ARHGEF28: variants seen among roughly 807,000 people sequenced by gnomAD.
ARHGEF28 encodes Rho guanine nucleotide exchange factor 28.
In ARHGEF28, 152 loss-of-function variants were observed where a neutral mutation model predicts 206.6. The observed-to-expected ratio is 0.74, with a 90% CI of 0.64 to 0.84. The LOEUF (loss-of-function observed/expected upper bound fraction) is 0.84, where lower values mean the gene tolerates loss of function less well. ARHGEF28 is among the 40% of genes least tolerant of loss of function. ARHGEF28 has a pLI of 0.00. For missense variants in ARHGEF28, 2,028 were observed against 2,073.2 expected, an observed-to-expected ratio of 0.98 and a Z score of 0.42; for synonymous variants, 763 against 776.4, an observed-to-expected ratio of 0.98 and a Z score of 0.29.
chr5:73,773,281 G>A (rs939116870), intron 4 of ARHGEF28, among the ~76,000 whole-genome samples: 3 of 152,186 alleles, frequency 2.0e-5, no homozygotes, highest in East Asian at 1.9e-4. Flanking sequence ...GCAACGGGGT[G>A]GCTTTGGCAA....
intron 1 of ARHGEF28, among the ~76,000 whole-genome samples, chr5:73,637,368 AT>A (rs1337282606): frequency 6.6e-6 from 1 of 151,946 alleles, no homozygotes; most frequent in Non-Finnish European, 1.5e-5. Context: ...TAGTCTCACA[AT>A]TTTTTTCCTC....
At chr5:73,720,860 A>G (rs1019417003) in intron 2 of ARHGEF28, among the ~76,000 whole-genome samples, 26 of 152,308 alleles carry the variant, frequency 1.7e-4, no homozygotes, top group African/African-American at 5.5e-4. Context: ...AGAAACATAT[A>G]CTTAGTGATT....
chr5:73,904,759 C>T (rs1762457446), intron 33 of ARHGEF28: 2 of 251,350 alleles, frequency 8.0e-6, no homozygotes, highest in East Asian at 8.9e-5. Context: ...TTTGACTTCT[C>T]CATGTGGCCA....
At chr5:73,919,947 C>A (rs867456697) in intron 35 of ARHGEF28, among the ~76,000 whole-genome samples, 1 of 152,226 alleles carries the variant, frequency 6.6e-6, no homozygotes, top group South Asian at 2.1e-4. Flanking sequence ...ACATATTTCT[C>A]TCTTGTTAAC....
chr5:73,812,172 C>G (rs1311225901), intron 9 of ARHGEF28, among the ~76,000 whole-genome samples: 2 of 152,044 alleles, frequency 1.3e-5, no homozygotes, highest in African/African-American at 4.8e-5. Context: ...GTGGTCTCTC[C>G]CCTTTCTCCT....
intron 2 of ARHGEF28, among the ~76,000 whole-genome samples, chr5:73,707,396 G>C (rs1192876330): frequency 6.6e-6 from 1 of 152,224 alleles, no homozygotes; most frequent in Non-Finnish European, 1.5e-5. Flanking sequence ...CCAAAGCTTA[G>C]TGGGGATTCA....
At chr5:73,848,291 G>A (rs2112592221) in intron 12 of ARHGEF28, among the ~76,000 whole-genome samples, 1 of 152,072 alleles carries the variant, frequency 6.6e-6, no homozygotes, top group South Asian at 2.1e-4. Flanking sequence ...TATAATAATA[G>A]GAATAATAAG....
At chr5:73,893,802 T>G (rs540383916) in intron 28 of ARHGEF28, among the ~76,000 whole-genome samples, 1 of 152,244 alleles carries the variant, frequency 6.6e-6, no homozygotes, top group South Asian at 2.1e-4. Context: ...GATGTAGACT[T>G]TGGGGTTTTC....
intron 11 of ARHGEF28, among the ~76,000 whole-genome samples, chr5:73,845,166 T>C (rs1304001421): frequency 2.0e-5 from 3 of 151,926 alleles, no homozygotes; most frequent in Non-Finnish European, 4.4e-5. Flanking sequence ...TACAGGTGCC[T>C]GCCACAACAG....
In ARHGEF28 at chr5:73,853,746, T is replaced by C. The variant is rs538337693; in HGVS notation, c.1790+1054T>C. On this transcript the variant is annotated intron_variant, in intron 14 of 35. Transcript: ENST00000513042. ...TGTTTTAAGCAGTTTACATTTATTA[T>C]CTCATTTAAGCAATTTACTTCCTCA... Among the ~76,000 whole-genome samples, 6 of 152,332 alleles carry C rather than the reference T, an allele frequency of 3.9e-5. No homozygotes were observed. The South Asian group carries it at 1.2e-3, about 32-fold the overall frequency.
chr5:73,915,271 T>C (rs1763148280), intron 35 of ARHGEF28, among the ~76,000 whole-genome samples: 1 of 152,188 alleles, frequency 6.6e-6, no homozygotes, highest in African/African-American at 2.4e-5. Flanking sequence ...TAAATACTCT[T>C]TAGCTTTACT....
intron 1 of ARHGEF28, among the ~76,000 whole-genome samples, chr5:73,640,117 G>A (rs1032656792): frequency 6.6e-6 from 1 of 152,196 alleles, no homozygotes; most frequent in African/African-American, 2.4e-5. Context: ...AGGATGGTAA[G>A]CTAGGCCTGG....
intron 9 of ARHGEF28, among the ~76,000 whole-genome samples, chr5:73,812,107 TA>T (rs147410772): frequency 0.03 from 4,620 of 152,238 alleles, 230 homozygotes; most frequent in African/African-American, 0.11. Flanking sequence ...ACAAACTATA[TA>T]AAAACACAGT....
intron 9 of ARHGEF28, among the ~76,000 whole-genome samples, chr5:73,810,619 TA>T (rs1452507803): frequency 1.3e-5 from 2 of 152,196 alleles, no homozygotes; most frequent in Admixed American, 6.5e-5. Context: ...TTGCTTGGCA[TA>T]GGGGTGGTGC....
At chr5:73,938,708 T>C (rs1480726098) in intron 35 of ARHGEF28, among the ~76,000 whole-genome samples, 1 of 152,162 alleles carries the variant, frequency 6.6e-6, no homozygotes, top group Non-Finnish European at 1.5e-5. Flanking sequence ...CTTCAGTCTA[T>C]GGCTGGGAAA....
chr5:73,752,226 A>G (rs779531727), intron 3 of ARHGEF28, among the ~76,000 whole-genome samples: 5 of 152,156 alleles, frequency 3.3e-5, no homozygotes, highest in Non-Finnish European at 5.9e-5. Flanking sequence ...GCAAAATAAG[A>G]GAGTGGGGCA....
intron 9 of ARHGEF28, among the ~76,000 whole-genome samples, chr5:73,823,262 A>G (rs978550251): frequency 5.9e-5 from 9 of 152,218 alleles, no homozygotes; most frequent in African/African-American, 2.2e-4. Flanking sequence ...GCTCTTGGGT[A>G]AAACGTTTCC....
intron 7 of ARHGEF28, among the ~76,000 whole-genome samples, chr5:73,785,970 C>T (rs1271927826): frequency 6.7e-6 from 1 of 149,840 alleles, no homozygotes; most frequent in Admixed American, 6.7e-5. Context: ...GACACGTGTC[C>T]TTAGGCCCAT....
At chr5:73,646,939 G>A (rs1744468787) in intron 1 of ARHGEF28, among the ~76,000 whole-genome samples, 1 of 152,118 alleles carries the variant, frequency 6.6e-6, no homozygotes, top group South Asian at 2.1e-4. Flanking sequence ...TTATTGGTGT[G>A]GTGGCAGCTG....
Sources: gnomAD v4.1 joint callset for allele counts (sites outside exome capture counted in the v4.1 genomes callset) on GRCh38, gnomAD v4.1.1 for gene constraint, MANE v1.5 for transcripts, NCBI Gene and HGNC (gene_info 2026-07-23, HGNC 2026-07-21) for gene names.